Variants in GBP7 observed in about 807,000 individuals in gnomAD.
GBP7 encodes guanylate binding protein 7.
In GBP7, 43 loss-of-function variants were observed where a neutral mutation model predicts 61.3. The observed-to-expected ratio is 0.70, with a 90% confidence interval of 0.55 to 0.91. The LOEUF is 0.91. Ranked by LOEUF, GBP7 falls within the 40% of genes least tolerant of loss-of-function variation. The pLI is 0.00. For missense variants in GBP7, 717 were observed against 740.5 expected (o/e 0.97, Z 0.37); for synonymous variants, 267 against 271.0 (o/e 0.99, Z 0.14).
At chr1:89,173,728 C>T (rs1013973224) in intron 1 of GBP7, among the ~76,000 whole-genome samples, 12 of 152,106 alleles carry the variant, frequency 7.9e-5, no homozygotes, top group African/African-American at 2.9e-4. Context: ...TTCAGTTTGG[C>T]CTCCTTCACA....
At chr1:89,152,488 T>C (rs1682227023) in intron 4 of GBP7, 24 bp from the exon 5 acceptor site, 1 of 1,607,180 alleles carries the variant, frequency 6.2e-7, no homozygotes, top group Non-Finnish European at 8.5e-7. Flanking sequence ...TAAGGAAGGA[T>C]AGCACCCTAC....
intron 8 of GBP7, among the ~76,000 whole-genome samples, chr1:89,142,712 A>G (rs1338015788): frequency 6.6e-6 from 1 of 152,156 alleles, no homozygotes; most frequent in Non-Finnish European, 1.5e-5. Flanking sequence ...AGTGACTGAA[A>G]TTTGGGTGTG....
At chr1:89,134,515 C>T (rs971071635) in intron 9 of GBP7, among the ~76,000 whole-genome samples, 1 of 151,668 alleles carries the variant, frequency 6.6e-6, no homozygotes, top group African/African-American at 2.4e-5. Context: ...GGCCAGAGAA[C>T]AAAGCCATGG....
intron 3 of GBP7, among the ~76,000 whole-genome samples, chr1:89,162,186 T>C (rs926651302): frequency 1.3e-5 from 2 of 152,202 alleles, no homozygotes; most frequent in African/African-American, 2.4e-5. Context: ...CCCTGTAGTA[T>C]AGTTTGATGT....
At chr1:89,171,661 CT>C in intron 2 of GBP7, 84 bp downstream of exon 2, 3 of 1,252,448 alleles carry the variant, frequency 2.4e-6, no homozygotes, top group Non-Finnish European at 3.4e-6. Flanking sequence ...CCAACACTAA[CT>C]TTCTCTCATC....
At chr1:89,145,440 C>T (rs1362525006) in intron 8 of GBP7, among the ~76,000 whole-genome samples, 2 of 151,990 alleles carry the variant, frequency 1.3e-5, no homozygotes, top group African/African-American at 4.8e-5. Flanking sequence ...TATAGATATG[C>T]ATATATATCA....
chr1:89,135,804 C>T (rs1179872807), intron 9 of GBP7, among the ~76,000 whole-genome samples: 2 of 152,062 alleles, frequency 1.3e-5, no homozygotes, highest in Non-Finnish European at 2.9e-5. Flanking sequence ...ATCAAATCCA[C>T]ACATATCAAT....
At chr1:89,174,935 A>G (rs1345791985) in intron 1 of GBP7, among the ~76,000 whole-genome samples, 1 of 152,216 alleles carries the variant, frequency 6.6e-6, no homozygotes, top group African/African-American at 2.4e-5. Flanking sequence ...TCTGCTGTAT[A>G]GAGAGTAGCA....
At chr1:89,144,433 T>G (rs762995695) in intron 8 of GBP7, among the ~76,000 whole-genome samples, 3 of 152,160 alleles carry the variant, frequency 2.0e-5, no homozygotes, top group African/African-American at 2.4e-5. Flanking sequence ...AATAATTCTA[T>G]TTTTAGTTCT....
At chr1:89,139,299 A>G (rs1390939412) in intron 9 of GBP7, among the ~76,000 whole-genome samples, 1 of 152,222 alleles carries the variant, frequency 6.6e-6, no homozygotes, top group Admixed American at 6.5e-5. Context: ...TGAATTCAAG[A>G]TGGATTAAAG....
chr1:89,166,972 A>G (rs1311245818), intron 2 of GBP7, among the ~76,000 whole-genome samples: 1 of 152,094 alleles, frequency 6.6e-6, no homozygotes, highest in Admixed American at 6.5e-5. Context: ...CTGTCTTTAA[A>G]CTTTCCCACG....
chr1:89,165,532 T>C (rs1435723988), intron 2 of GBP7, among the ~76,000 whole-genome samples: 1 of 146,774 alleles, frequency 6.8e-6, no homozygotes, highest in African/African-American at 2.5e-5. Flanking sequence ...AAGCCAGAAG[T>C]GATTAAGTCA....
At chr1:89,160,689 C>G (rs972573677) in intron 3 of GBP7, among the ~76,000 whole-genome samples, 1 of 151,842 alleles carries the variant, frequency 6.6e-6, no homozygotes, top group African/African-American at 2.4e-5. Flanking sequence ...ATAGAGGTGA[C>G]AAAAAAGAAA....
chr1:89,159,666 C>T (rs898446893), intron 3 of GBP7, among the ~76,000 whole-genome samples: 45 of 152,114 alleles, frequency 3.0e-4, no homozygotes, highest in African/African-American at 4.8e-5. Context: ...AGTGAGATAC[C>T]ATGTCACACC....
At chr1:89,148,120 A>G (rs1015363175) in intron 7 of GBP7, among the ~76,000 whole-genome samples, 1 of 152,234 alleles carries the variant, frequency 6.6e-6, no homozygotes, top group African/African-American at 2.4e-5. Flanking sequence ...ACCCTTCTGG[A>G]TAATCACATC....
chr1:89,158,209 T>C (rs1184917100), intron 3 of GBP7, among the ~76,000 whole-genome samples: 11 of 152,044 alleles, frequency 7.2e-5, no homozygotes, highest in Non-Finnish European at 1.3e-4. Context: ...TGGGATGTAT[T>C]TCAAAATAAT....
chr1:89,168,614 T>A (rs950072386), intron 2 of GBP7, among the ~76,000 whole-genome samples: 3 of 152,042 alleles, frequency 2.0e-5, no homozygotes, highest in African/African-American at 7.2e-5. Context: ...TGATTTTTTT[T>A]AAAAGGAAGA....
intron 5 of GBP7, among the ~76,000 whole-genome samples, chr1:89,151,132 G>T (rs1282114615): frequency 1.3e-5 from 2 of 151,976 alleles, no homozygotes; most frequent in African/African-American, 4.8e-5. Context: ...TAGTTCTCCT[G>T]CAGTATATTA....
Position 89,133,375 on chromosome 1 carries a change from C to A in GBP7, c.1545G>T (p.Met515Ile). ...LRQKQKEQQQ[M>I]MEAQERSFQE... is the part of the protein sequence containing the mutation. ...GGAAACTTCTCTCTTGAGCCTCCAT[C>A]ATTTGCTGCTGTTCCTTCTGTTTTT... Residue 515 changes from methionine to isoleucine, a missense_variant, in exon 10 of 11, where the codon ATG (methionine) becomes ATT (isoleucine). Met to Ile is a conservative substitution (Grantham distance 10). This residue lies in a region of GBP7 where 312 missense variants were observed against 310.1 expected (regional missense o/e 1.01). Transcript: ENST00000294671. 2 of 1,614,110 alleles carry A rather than the reference C, an allele frequency of 1.2e-6. No individual in the cohort carries two copies. The highest frequency in any genetic ancestry group is 1.7e-6 in the Non-Finnish European group (2 of 1,179,990).
Sources: gnomAD v4.1 joint callset for allele counts (sites outside exome capture counted in the v4.1 genomes callset) on GRCh38, gnomAD v4.1.1 for gene constraint, gnomAD v4.1.1 regional missense constraint, MANE v1.5 for transcripts, NCBI Gene and HGNC (gene_info 2026-07-23, HGNC 2026-07-21) for gene names.